Variants in SENP5 observed in about 807,000 individuals in gnomAD.
SENP5 encodes sentrin-specific protease 5.
SENP5 carries 21 observed loss-of-function variants against 74.2 expected under a neutral mutation model. The observed-to-expected ratio is 0.28, with a 90% confidence interval of 0.20 to 0.41. The LOEUF (loss-of-function observed/expected upper bound fraction) is 0.41. Ranked by LOEUF, SENP5 falls within the 10% of genes least tolerant of loss-of-function variation. The pLI, the probability that SENP5 is intolerant of heterozygous loss-of-function variation, is 1.00. For synonymous variants in SENP5, 311 were observed against 312.7 expected (o/e 0.99, Z 0.06); for missense variants, 717 against 889.1 (o/e 0.81, Z 2.46).
intron 6 of SENP5, chr3:196,913,785 G>A (rs1318393459): frequency 6.6e-6 from 1 of 151,094 alleles, no homozygotes; most frequent in East Asian, 2.0e-4. Context: ...AAGTAGCTGG[G>A]ATTACAGGTA....
At chr3:196,904,737 C>T (rs796124799) in intron 6 of SENP5, among the ~76,000 whole-genome samples, 30 of 151,858 alleles carry the variant, frequency 2.0e-4, no homozygotes, top group African/African-American at 6.5e-4. Context: ...TGCAGTGAGC[C>T]GAGATTGCAC....
Position 196,871,563 on chromosome 3 carries a change from A to G in SENP5, c.-32+3490A>G, listed in dbSNP as rs1256245005. On this transcript the variant is annotated intron_variant, in intron 1 of 9. Transcript: ENST00000323460. ...CAAGAATTTTTTAACTTAATTTTGT[A>G]AAGATATAATTTACGGCCTGGTGCA... Among the ~76,000 whole-genome samples, 5 of 152,102 alleles carry G rather than the reference A, an allele frequency of 3.3e-5. No homozygotes were observed. The South Asian group carries it at 1.0e-3, about 32-fold the overall frequency.
chr3:196,899,021 G>A (rs1043691093), intron 2 of SENP5, among the ~76,000 whole-genome samples: 1 of 150,446 alleles, frequency 6.6e-6, no homozygotes, highest in Non-Finnish European at 1.5e-5. Context: ...GGAGCTTGTA[G>A]TGAGCAGAGA....
intron 1 of SENP5, among the ~76,000 whole-genome samples, chr3:196,868,534 G>T (rs1008285224): frequency 2.6e-5 from 4 of 152,240 alleles, no homozygotes; most frequent in African/African-American, 9.6e-5. Flanking sequence ...GGTGGGAGAC[G>T]TCTTTTCCCT....
chr3:196,871,074 G>T (rs1433658425), intron 1 of SENP5, among the ~76,000 whole-genome samples: 1 of 151,996 alleles, frequency 6.6e-6, no homozygotes, highest in Non-Finnish European at 1.5e-5. Flanking sequence ...GGAGGCTGAG[G>T]CAGGAGAATC....
At chr3:196,886,967 C>T (rs1313588641) in intron 2 of SENP5, among the ~76,000 whole-genome samples, 3 of 152,070 alleles carry the variant, frequency 2.0e-5, no homozygotes, top group Non-Finnish European at 4.4e-5. Context: ...GCTAAATTCT[C>T]ATTATTAGAA....
intron 6 of SENP5, among the ~76,000 whole-genome samples, chr3:196,910,773 C>A (rs542070715): frequency 4.6e-5 from 7 of 152,220 alleles, no homozygotes; most frequent in African/African-American, 1.7e-4. Flanking sequence ...CAAGACAATC[C>A]TAAGCAAAAA....
chr3:196,881,138 G>A (rs1713710931), intron 1 of SENP5, among the ~76,000 whole-genome samples: 1 of 151,826 alleles, frequency 6.6e-6, no homozygotes, highest in South Asian at 2.1e-4. Flanking sequence ...TGTAGAGATG[G>A]GGTTTCATCA....
At chr3:196,875,137 C>T (rs932673157) in intron 1 of SENP5, among the ~76,000 whole-genome samples, 1 of 152,198 alleles carries the variant, frequency 6.6e-6, no homozygotes, top group African/African-American at 2.4e-5. Flanking sequence ...TAACCTTCCC[C>T]TAATCGATCT....
chr3:196,914,575 A>AT (rs1577837050), intron 6 of SENP5: 1 of 93,130 alleles, frequency 1.1e-5, no homozygotes, highest in African/African-American at 4.6e-5. Flanking sequence ...AAAAAAAAAA[A>AT]AAAAAAAAAA....
At position 196,885,866 on chromosome 3, in the gene SENP5, CCT is replaced by C. The variant is rs1713941729; in HGVS notation, c.688_689del (p.Leu230TyrfsTer4). 6.2e-7 allele frequency: 1 copy of C among 1,613,854 alleles called. No homozygotes were observed. On this transcript the variant is annotated frameshift_variant, in exon 2 of 10. Coordinates refer to ENST00000323460, the MANE Select transcript of SENP5 (RefSeq NM_152699.5). LOFTEE classifies it high-confidence loss of function. Reference sequence around the variant, plus strand: ...CCAACATAGAAGGATAAAATTATCTCCTCTTATGATGTATGAGAAATTATCCA... The same window carrying C: ...CCAACATAGAAGGATAAAATTATCTCCTTATGATGTATGAGAAATTATCCA... ...LNQHRRIKLS[P>X]LMMYEKLSMI...
chr3:196,883,433 G>A (rs534196343), intron 1 of SENP5, among the ~76,000 whole-genome samples: 97 of 152,186 alleles, frequency 6.4e-4, no homozygotes, highest in Non-Finnish European at 1.0e-3. Context: ...GGGAATTCAC[G>A]GTGTAAACTC....
chr3:196,875,779 G>A (rs1193650844), intron 1 of SENP5, among the ~76,000 whole-genome samples: 1 of 151,852 alleles, frequency 6.6e-6, no homozygotes, highest in African/African-American at 2.4e-5. Flanking sequence ...ACCCAAACTA[G>A]AGTACAGTGG....
rs56004490 is a variant in SENP5 at position 196,924,945 on chromosome 3, C to T, written c.2022+1394C>T. 7.1e-3 allele frequency among the ~76,000 whole-genome samples: 1,085 copies of T among 152,236 alleles called. 8 individuals carry two copies. The highest frequency in any genetic ancestry group is 0.025 in the African/African-American group (1,029 of 41,548). On this transcript the variant is annotated intron_variant, in intron 7 of 9. Transcript: ENST00000323460. ...TGAATATAGTAGACCTTCAAGTCCTCAAATGGAAAGATGTCCAAGGCATAG... is the reference window on the plus strand; with the variant it reads ...TGAATATAGTAGACCTTCAAGTCCTTAAATGGAAAGATGTCCAAGGCATAG...
At chr3:196,898,791 T>G (rs1714564343) in intron 2 of SENP5, among the ~76,000 whole-genome samples, 1 of 151,390 alleles carries the variant, frequency 6.6e-6, no homozygotes, top group Non-Finnish European at 1.5e-5. Flanking sequence ...TCCATTCCAT[T>G]GGAAGATGAT....
At chr3:196,880,290 A>G (rs185800444) in intron 1 of SENP5, among the ~76,000 whole-genome samples, 66 of 152,296 alleles carry the variant, frequency 4.3e-4, no homozygotes, top group Admixed American at 2.3e-3. Context: ...TATGTTGCCC[A>G]GGCTGATCTT....
At chr3:196,898,744 G>A (rs1007813122) in intron 2 of SENP5, among the ~76,000 whole-genome samples, 1 of 151,864 alleles carries the variant, frequency 6.6e-6, no homozygotes, top group African/African-American at 2.4e-5. Context: ...GAAACCCCTC[G>A]ATGATAGTTC....
intron 9 of SENP5, among the ~76,000 whole-genome samples, chr3:196,930,006 A>C (rs936890654): frequency 7.3e-5 from 11 of 149,940 alleles, no homozygotes; most frequent in Middle Eastern, 3.4e-3. Context: ...AAAAAAAAAA[A>C]CATTGGCAAG....
At chr3:196,873,702 T>C (rs1029039506) in intron 1 of SENP5, among the ~76,000 whole-genome samples, 2 of 151,740 alleles carry the variant, frequency 1.3e-5, no homozygotes, top group African/African-American at 4.8e-5. Flanking sequence ...TAGCCGGGTG[T>C]GGTGGCGGGC....
Sources: gnomAD v4.1 joint callset for allele counts (sites outside exome capture counted in the v4.1 genomes callset) on GRCh38, gnomAD v4.1.1 for gene constraint, MANE v1.5 for transcripts, NCBI Gene and HGNC (gene_info 2026-07-23, HGNC 2026-07-21) for gene names.